Variants in WFDC11 observed in about 807,000 individuals in gnomAD.
The protein encoded by WFDC11 is WAP four-disulfide core domain 11, also known as protein WFDC11.
Under a neutral mutation model 9.9 loss-of-function variants are expected in WFDC11, and 9 were observed. That is an observed-to-expected ratio of 0.91 (90% CI 0.55 to 1.58). The LOEUF is 1.58. Among genes scored for constraint, WFDC11 ranks in the 40% most tolerant of loss-of-function variants. The probability of loss-of-function intolerance (pLI) is 0.00; values close to 1 mark genes in which losing one functional copy is unlikely to be tolerated. For missense variants in WFDC11, 106 were observed against 101.7 expected (o/e 1.04, Z -0.18); for synonymous variants, 32 against 33.3 (o/e 0.96, Z 0.13).
At position 45,650,582 on chromosome 20, in the gene WFDC11, G is replaced by C; in HGVS notation, c.19C>G (p.Leu7Val). The C allele has an allele frequency of 6.2e-7, 1 of 1,614,090 alleles. No homozygotes were observed. Among genetic ancestry groups the C allele is most frequent in the Non-Finnish European group, 8.5e-7 (1 of 1,179,952 alleles). MVSLMK[L>V]WIPMLMTFFC... is the part of the protein sequence containing the mutation. ...AATGTCATGAGCATGGGTATCCAGAGCTTCATGAGGCTGACCATATGTGTC... is the reference window on the plus strand; with the variant it reads ...AATGTCATGAGCATGGGTATCCAGACCTTCATGAGGCTGACCATATGTGTC... Residue 7 changes from leucine (L) to valine (V), a missense_variant, in exon 3 of 5, where the codon CTC (leucine) becomes GTC (valine). Transcript: ENST00000324384.
At chr20:45,663,272 C>T (rs1176282049) in intron 2 of WFDC11, among the ~76,000 whole-genome samples, 1 of 151,968 alleles carries the variant, frequency 6.6e-6, no homozygotes, top group African/African-American at 2.4e-5. Flanking sequence ...TGATAGCCCC[C>T]CTTTATCATT....
At position 45,650,527 on chromosome 20, in the gene WFDC11, C is replaced by G; in HGVS notation, c.74G>C (p.Gly25Ala). ...FFCTVLLSVL[G>A]EMRKKRYDRK... ...GTCATATCTTTTCTTCCTCATTTCT[C>G]CCAGCACAGACAGTAGCACCGTACA... The change falls in exon 3 of 5, where the codon GGA (glycine) becomes GCA (alanine). Residue 25 changes from glycine (G) to alanine (A), a missense_variant. Physicochemically the swap from Gly to Ala is moderately conservative, Grantham distance 60 (BLOSUM62 0). Transcript: ENST00000324384. The G allele has an allele frequency of 6.2e-7, 1 of 1,614,090 alleles. No individual in the cohort carries two copies. The highest frequency in any genetic ancestry group is 8.5e-7 in the Non-Finnish European group (1 of 1,180,024).
Position 45,651,376 on chromosome 20 carries a change from G to T in WFDC11, c.-51-725C>A, listed in dbSNP as rs79600210. On this transcript the variant is annotated intron_variant, in intron 2 of 4. Coordinates refer to ENST00000324384, the MANE Select transcript of WFDC11 (RefSeq NM_147197.2). Reference sequence around the variant, plus strand: ...AGTACCCATCAACCATTCTGGAGGGGTTTTTTTTGTTTTGTTTGTTTGTTT... The same window carrying T: ...AGTACCCATCAACCATTCTGGAGGGTTTTTTTTTGTTTTGTTTGTTTGTTT... Among the ~76,000 whole-genome samples, 343 of 151,796 alleles carry T rather than the reference G, an allele frequency of 2.3e-3. 6 individuals carry two copies. The East Asian group carries it at 0.048, about 21-fold the overall frequency.
intron 2 of WFDC11, among the ~76,000 whole-genome samples, chr20:45,655,939 C>G (rs529900462): frequency 1.3e-5 from 2 of 152,206 alleles, no homozygotes; most frequent in South Asian, 4.1e-4. Context: ...AAAGAGGATA[C>G]AAACAAATGG....
At chr20:45,651,561 A>T (rs1232133918) in intron 2 of WFDC11, among the ~76,000 whole-genome samples, 1 of 152,160 alleles carries the variant, frequency 6.6e-6, no homozygotes, top group Non-Finnish European at 1.5e-5. Flanking sequence ...TTTCCAGCTG[A>T]GGTACCGGGT....
At chr20:45,667,914 A>G (rs1454507356) in intron 1 of WFDC11, among the ~76,000 whole-genome samples, 1 of 152,246 alleles carries the variant, frequency 6.6e-6, no homozygotes, top group Non-Finnish European at 1.5e-5. Flanking sequence ...TTGGACACCA[A>G]ATTCACTATG....
At chr20:45,655,000 G>T (rs1982893002) in intron 2 of WFDC11, among the ~76,000 whole-genome samples, 1 of 152,088 alleles carries the variant, frequency 6.6e-6, no homozygotes, top group South Asian at 2.1e-4. Flanking sequence ...TTCTACCAGA[G>T]GTACAAGGAG....
intron 2 of WFDC11, among the ~76,000 whole-genome samples, chr20:45,655,248 T>C (rs1420691166): frequency 6.6e-6 from 1 of 152,204 alleles, no homozygotes; most frequent in Non-Finnish European, 1.5e-5. Context: ...TCAAGTGGGC[T>C]TCATCCCTGG....
chr20:45,662,152 A>T (rs368031499), intron 2 of WFDC11, among the ~76,000 whole-genome samples: 7 of 151,856 alleles, frequency 4.6e-5, no homozygotes, highest in African/African-American at 1.7e-4. Flanking sequence ...TAAGTTGGAT[A>T]CCTAGGTATT....
intron 2 of WFDC11, among the ~76,000 whole-genome samples, chr20:45,655,845 A>G (rs1316525860): frequency 1.3e-5 from 2 of 152,200 alleles, no homozygotes; most frequent in Non-Finnish European, 2.9e-5. Context: ...AGCTTCAAAA[A>G]GAATAAAATA....
intron 1 of WFDC11, among the ~76,000 whole-genome samples, chr20:45,668,432 T>A (rs1436400686): frequency 6.6e-6 from 1 of 152,076 alleles, no homozygotes; most frequent in East Asian, 1.9e-4. Context: ...CTTGGCCTTG[T>A]CCTATTCCTG....
chr20:45,650,413 C>A, intron 3 of WFDC11, 88 bp downstream of exon 3: 2 of 1,073,798 alleles, frequency 1.9e-6, no homozygotes, highest in East Asian at 2.4e-5. Flanking sequence ...GGTCCTGAGT[C>A]AGATACAGCG....
chr20:45,667,235 G>A (rs1983204787), intron 1 of WFDC11, 66 bp from the exon 2 acceptor site: 1 of 152,250 alleles, frequency 6.6e-6, no homozygotes, highest in African/African-American at 2.4e-5. Context: ...GCTTCTGGTT[G>A]TGGCAGATCT....
intron 2 of WFDC11, 100 bp from the exon 3 acceptor site, chr20:45,650,751 G>T: frequency 1.6e-6 from 1 of 642,706 alleles, no homozygotes; most frequent in South Asian, 2.1e-5. Context: ...TTCCCCCTAG[G>T]CCTCTGCCTA....
chr20:45,663,832 GTACTT>G (rs1356325656), intron 2 of WFDC11, among the ~76,000 whole-genome samples: 17 of 152,278 alleles, frequency 1.1e-4, no homozygotes, highest in Middle Eastern at 6.8e-3. Context: ...TTGCTGAGGA[GTACTT>G]TACTTCCAAT....
intron 2 of WFDC11, among the ~76,000 whole-genome samples, chr20:45,665,279 T>C (rs540919016): frequency 3.6e-4 from 55 of 152,294 alleles, no homozygotes; most frequent in African/African-American, 1.2e-3. Context: ...TCATTTAAGG[T>C]CTTCTCTACA....
At chr20:45,660,188 T>C (rs1194338035) in intron 2 of WFDC11, among the ~76,000 whole-genome samples, 2 of 152,206 alleles carry the variant, frequency 1.3e-5, no homozygotes, top group Non-Finnish European at 2.9e-5. Flanking sequence ...GCCTTTGCTT[T>C]ATCCCAGAGG....
chr20:45,652,602 A>G (rs959837076), intron 2 of WFDC11, among the ~76,000 whole-genome samples: 2 of 152,166 alleles, frequency 1.3e-5, no homozygotes, highest in African/African-American at 4.8e-5. Context: ...TGATGAGTTG[A>G]GAGAAGGCTT....
intron 2 of WFDC11, among the ~76,000 whole-genome samples, chr20:45,654,102 C>T (rs889528546): frequency 1.3e-5 from 2 of 152,226 alleles, no homozygotes; most frequent in Non-Finnish European, 2.9e-5. Flanking sequence ...CTACAGAACT[C>T]TCCACCCCAA....
Sources: allele counts gnomAD v4.1 joint callset (sites outside exome capture counted in the v4.1 genomes callset), GRCh38; gene constraint gnomAD v4.1.1; transcripts MANE v1.5; gene names NCBI Gene and HGNC (gene_info 2026-07-23, HGNC 2026-07-21).